The following SNX16 variants were observed in gnomAD, a reference collection of about 807,000 sequenced individuals.
The protein encoded by SNX16 is sorting nexin 16.
SNX16 carries 35 observed loss-of-function variants against 36.7 expected under a neutral mutation model. The ratio of observed to expected loss-of-function variants is 0.95; its 90% CI spans 0.73 to 1.27. SNX16 has a LOEUF of 1.27. Ranked by LOEUF, SNX16 falls within the 50% of genes most tolerant of loss-of-function variation. SNX16 has a pLI of 0.00. For missense variants in SNX16, 367 were observed against 393.6 expected (o/e 0.93, Z 0.57); for synonymous variants, 134 against 132.0 (o/e 1.02, Z -0.10).
At chr8:81,806,666 G>T (rs1251721247) in intron 5 of SNX16, among the ~76,000 whole-genome samples, 1 of 151,988 alleles carries the variant, frequency 6.6e-6, no homozygotes, top group African/African-American at 2.4e-5. Context: ...AACCTCCAAA[G>T]AATCTATCTA....
At chr8:81,837,578 C>G (rs1032492118) in intron 2 of SNX16, among the ~76,000 whole-genome samples, 2 of 152,110 alleles carry the variant, frequency 1.3e-5, no homozygotes, top group Non-Finnish European at 2.9e-5. Context: ...TAGCTATGTC[C>G]TCAGATGTGT....
chr8:81,815,603 A>G, intron 4 of SNX16: 1 of 421,754 alleles, frequency 2.4e-6, no homozygotes, highest in Non-Finnish European at 4.4e-6. Flanking sequence ...TCACAAATTT[A>G]TTGTTACATA....
intron 5 of SNX16, chr8:81,808,174 G>A (rs1810055154): frequency 3.0e-6 from 4 of 1,333,590 alleles, no homozygotes; most frequent in East Asian, 2.3e-5. Context: ...GGAAGTGATT[G>A]AAATCATGAC....
At chr8:81,811,742 A>G (rs1274330979) in intron 5 of SNX16, among the ~76,000 whole-genome samples, 2 of 152,118 alleles carry the variant, frequency 1.3e-5, no homozygotes, top group Non-Finnish European at 2.9e-5. Flanking sequence ...CACCTAAAAT[A>G]TCTTGTATTC....
At chr8:81,836,614 C>T (rs59171702) in intron 2 of SNX16, among the ~76,000 whole-genome samples, 37,706 of 151,994 alleles carry the variant, frequency 0.25, 5,231 homozygotes, top group East Asian at 0.37. Context: ...GAAATATTGC[C>T]GGTTCTACTT....
At position 81,803,074 on chromosome 8, in the gene SNX16, G is replaced by A. The variant is rs777010833; in HGVS notation, c.818+18C>T. The A allele has an allele frequency of 3.2e-6, 5 of 1,585,516 alleles. No homozygotes were observed. The highest frequency in any genetic ancestry group is 4.3e-6 in the Non-Finnish European group (5 of 1,169,508). ...GGGTTGAATTAGTCAGAGTAGAAAT[G>A]CAAGTATCACAACACACCTGATTCT... On this transcript the variant is annotated intron_variant, in intron 6 of 7. Coordinates refer to ENST00000345957, the MANE Select transcript of SNX16 (RefSeq NM_152836.3).
At chr8:81,803,840 ATTGT>A (rs1320103824) in intron 5 of SNX16, among the ~76,000 whole-genome samples, 1 of 151,864 alleles carries the variant, frequency 6.6e-6, no homozygotes, top group Non-Finnish European at 1.5e-5. Flanking sequence ...ATCAAGAAAG[ATTGT>A]TTGTCTCAAT....
intron 4 of SNX16, among the ~76,000 whole-genome samples, chr8:81,822,974 ATACACATATGTGTGTG>A (rs1810842017): frequency 8.0e-6 from 1 of 125,132 alleles, no homozygotes; most frequent in Non-Finnish European, 1.7e-5. Context: ...ATATATATAT[ATACACATATGTGTGTG>A]TATATCTATA....
At chr8:81,840,981 C>G (rs909685779) in intron 1 of SNX16, among the ~76,000 whole-genome samples, 1 of 152,090 alleles carries the variant, frequency 6.6e-6, no homozygotes, top group East Asian at 1.9e-4. Flanking sequence ...ACTTTTCATA[C>G]GAAACTCTAC....
At chr8:81,829,239 T>C (rs1371333411) in intron 3 of SNX16, among the ~76,000 whole-genome samples, 191 bp downstream of exon 3, 1 of 152,026 alleles carries the variant, frequency 6.6e-6, no homozygotes, top group African/African-American at 2.4e-5. Context: ...TATTTATATT[T>C]CTGTTGGCAA....
chr8:81,819,172 G>A (rs933662135), intron 4 of SNX16, among the ~76,000 whole-genome samples: 4 of 151,762 alleles, frequency 2.6e-5, no homozygotes, highest in Non-Finnish European at 5.9e-5. Context: ...TTTGAATTTC[G>A]AAAAATTAAA....
At chr8:81,816,353 C>A (rs918636814) in intron 4 of SNX16, among the ~76,000 whole-genome samples, 1 of 151,802 alleles carries the variant, frequency 6.6e-6, no homozygotes, top group African/African-American at 2.4e-5. Context: ...CCACACCCAG[C>A]TAATTTTTGT....
At chr8:81,821,081 T>C (rs1015088573) in intron 4 of SNX16, among the ~76,000 whole-genome samples, 5 of 150,282 alleles carry the variant, frequency 3.3e-5, no homozygotes, top group African/African-American at 1.2e-4. Flanking sequence ...TGATAATATA[T>C]GACAAAGGCA....
Position 81,801,121 on chromosome 8 carries a change from G to A in SNX16, c.*376C>T. ...GAATATATCACCCAGATAGTAACAT[G>A]CAATTAATTTCCATTTGATTAATAT... On this transcript the variant is annotated 3_prime_UTR_variant, in exon 8 of 8. Coordinates refer to ENST00000345957, the MANE Select transcript of SNX16 (RefSeq NM_152836.3). 1 of 154,998 alleles carries A rather than the reference G, an allele frequency of 6.5e-6. No individual in the cohort carries two copies. The highest frequency in any genetic ancestry group is 1.4e-5 in the Non-Finnish European group (1 of 69,682). The allele number at this position is 154,998 out of a possible 1,614,324, so 9.6% of individuals were successfully genotyped here.
At chr8:81,813,701 CTAAAG>C (rs1810361708) in intron 5 of SNX16, among the ~76,000 whole-genome samples, 1 of 151,658 alleles carries the variant, frequency 6.6e-6, no homozygotes, top group African/African-American at 2.4e-5. Flanking sequence ...GGATTAATAT[CTAAAG>C]TAAAGATTTT....
At chr8:81,812,438 C>T (rs1001856547) in intron 5 of SNX16, among the ~76,000 whole-genome samples, 1 of 151,822 alleles carries the variant, frequency 6.6e-6, no homozygotes, top group Non-Finnish European at 1.5e-5. Flanking sequence ...CAAAATGGCT[C>T]ATCATGCACA....
At chr8:81,835,166 C>A (rs376574957) in intron 2 of SNX16, among the ~76,000 whole-genome samples, 1 of 152,322 alleles carries the variant, frequency 6.6e-6, no homozygotes, top group South Asian at 2.1e-4. Flanking sequence ...TCTGAAGTCA[C>A]GGCCTGAGCT....
intron 6 of SNX16, 78 bp from the exon 7 acceptor site, chr8:81,802,577 T>C: frequency 3.9e-6 from 5 of 1,274,152 alleles, no homozygotes; most frequent in Non-Finnish European, 5.4e-6. Flanking sequence ...TACAGGTAGC[T>C]ATAGCAGTCT....
In SNX16 at chr8:81,828,807, A is replaced by T. The variant is rs186668981; in HGVS notation, c.462+623T>A. Among the ~76,000 whole-genome samples the T allele has an allele frequency of 3.1e-3, 470 of 152,308 alleles. 2 individuals are homozygous for T. Among genetic ancestry groups the T allele is most frequent in the Non-Finnish European group, 5.3e-3 (359 of 68,024 alleles). ...TCACTGTTGCTGGCTTTGAAGATGG[A>T]GGGGCTATGTACAAGGACTGGAGAG... On this transcript the variant is annotated intron_variant, in intron 3 of 7. Coordinates refer to ENST00000345957, the MANE Select transcript of SNX16 (RefSeq NM_152836.3).
Sources: gnomAD v4.1 joint callset for allele counts (sites outside exome capture counted in the v4.1 genomes callset) on GRCh38, gnomAD v4.1.1 for gene constraint, MANE v1.5 for transcripts, NCBI Gene and HGNC (gene_info 2026-07-23, HGNC 2026-07-21) for gene names.